Variants in ZFP91 observed in about 807,000 individuals in gnomAD.
ZFP91 encodes the protein ZFP91 zinc finger protein, atypical E3 ubiquitin ligase.
ZFP91 carries 7 observed loss-of-function variants against 63.5 expected under a neutral mutation model. The ratio of observed to expected loss-of-function variants is 0.11; its 90% CI spans 0.06 to 0.21. ZFP91 has a LOEUF of 0.21. Among genes scored for constraint, ZFP91 ranks in the 10% least tolerant of loss-of-function variants. The pLI is 1.00. For synonymous variants in ZFP91, 330 were observed against 272.1 expected (o/e 1.21, Z -2.10); for missense variants, 628 against 736.6 (o/e 0.85, Z 1.71).
chr11:58,610,180 A>G, intron 3 of ZFP91, 118 bp from the exon 4 acceptor site: 8 of 1,415,576 alleles, frequency 5.7e-6, no homozygotes, highest in Non-Finnish European at 7.8e-6. Flanking sequence ...CAGTTTGCAG[A>G]TATTCTGCTT....
rs200285888 is a variant in ZFP91, at chr11:58,609,081, C to CT, written c.371-740dup. On this transcript the variant is annotated intron_variant, in intron 2 of 10. Transcript: ENST00000316059. ...TTAAAATGGGCTCAATTCTAATGTA[C>CT]TTTTTTTTTATATAGGTCTAAGTAT... is the stretch of plus-strand genomic sequence containing the variant. 3.9e-3 allele frequency among the ~76,000 whole-genome samples: 590 copies of CT among 151,502 alleles called. 3 individuals are homozygous for CT. The highest frequency in any genetic ancestry group is 0.013 in the African/African-American group (523 of 41,362).
At chr11:58,614,208 C>A in intron 8 of ZFP91, 21 bp from the exon 9 acceptor site, 1 of 1,510,174 alleles carries the variant, frequency 6.6e-7, no homozygotes, top group Non-Finnish European at 8.9e-7. Flanking sequence ...TTTTTCGCCC[C>A]TTTCACTTTC....
chr11:58,612,953 C>A, intron 8 of ZFP91, 113 bp downstream of exon 8: 1 of 868,180 alleles, frequency 1.2e-6, no homozygotes, highest in Non-Finnish European at 1.8e-6. Context: ...CATGTAATGT[C>A]AAGAAAAGTC....
At chr11:58,610,422 A>G in intron 4 of ZFP91, 88 bp downstream of exon 4, 1 of 1,299,574 alleles carries the variant, frequency 7.7e-7, no homozygotes, top group Non-Finnish European at 1.0e-6. Context: ...TCCATTTGAA[A>G]TTATTTTGAG....
chr11:58,603,737 T>G (rs953767512), intron 2 of ZFP91, among the ~76,000 whole-genome samples: 2 of 152,226 alleles, frequency 1.3e-5, no homozygotes, highest in African/African-American at 4.8e-5. Context: ...AAAAGCTTAT[T>G]CTTAGGGCTT....
chr11:58,614,189 A>AT, intron 8 of ZFP91, 40 bp from the exon 9 acceptor site: 2 of 1,361,664 alleles, frequency 1.5e-6, no homozygotes, highest in Non-Finnish European at 2.0e-6. Flanking sequence ...AGGAAGCCTT[A>AT]ATTTTTTTTT....
Position 58,611,659 on chromosome 11 carries a change from A to G in ZFP91, c.778A>G (p.Lys260Glu). ...GAAGGTAAAAGAAGAGAAGGAGAAG[A>G]AGGAAATTAAAGTGGAAGTAGAGGT... ...SGKVKEEKEK[K>E]EIKVEVEVEV... The change falls in exon 6 of 11, where the codon AAG (lysine) becomes GAG (glutamate). Residue 260 changes from lysine to glutamate, a missense_variant. Coordinates refer to ENST00000316059, the MANE Select transcript of ZFP91 (RefSeq NM_053023.5). 6.2e-7 allele frequency: 1 copy of G among 1,612,924 alleles called. No individual in the cohort carries two copies. The highest frequency in any genetic ancestry group is 8.5e-7 in the Non-Finnish European group (1 of 1,179,350).
At chr11:58,589,866 G>A (rs1188521717) in intron 2 of ZFP91, among the ~76,000 whole-genome samples, 4 of 152,104 alleles carry the variant, frequency 2.6e-5, no homozygotes, top group Admixed American at 2.6e-4. Context: ...TATGTGAATT[G>A]TGATGTAGGC....
intron 9 of ZFP91, among the ~76,000 whole-genome samples, chr11:58,614,982 T>G (rs942535828): frequency 2.6e-5 from 4 of 152,184 alleles, no homozygotes; most frequent in African/African-American, 9.7e-5. Flanking sequence ...AATTACACAT[T>G]ACCTTCTCAA....
intron 2 of ZFP91, among the ~76,000 whole-genome samples, chr11:58,594,649 C>T (rs949354770): frequency 8.5e-5 from 13 of 152,088 alleles, no homozygotes; most frequent in Admixed American, 5.9e-4. Flanking sequence ...CTGATGTCTG[C>T]TTTGAAATCA....
rs1261300303 is a variant in ZFP91 at position 58,620,049 on chromosome 11, C to G, written c.*2343C>G. 1.3e-5 allele frequency: 2 copies of G among 152,158 alleles called. No individual in the cohort carries two copies. The highest frequency in any genetic ancestry group is 2.4e-5 in the African/African-American group (1 of 41,432). 9.4% of individuals were successfully genotyped at this position (152,158 alleles called of 1,614,324 possible). A position where few individuals can be genotyped will look rare whatever the true frequency, so the allele number is the denominator to read the frequency against. On this transcript the variant is annotated 3_prime_UTR_variant, in exon 11 of 11. Transcript: ENST00000316059. ...TCTGAGATGGGAGAAAATGTATTCT[C>G]CTTTCCTATACCGCTCTCCCAACAA...
intron 9 of ZFP91, 84 bp downstream of exon 9, chr11:58,614,427 T>A: frequency 9.7e-7 from 1 of 1,027,370 alleles, no homozygotes; most frequent in Non-Finnish European, 1.4e-6. Context: ...TTTTCTAACA[T>A]AAGTCTTAAA....
At position 58,617,902 on chromosome 11, in the gene ZFP91, T is replaced by A; in HGVS notation, c.*196T>A. The A allele has an allele frequency of 1.6e-6, 1 of 631,682 alleles. No homozygotes were observed. The highest frequency in any genetic ancestry group is 2.3e-6 in the Non-Finnish European group (1 of 439,424). The allele number at this position is 631,682 out of a possible 1,614,324, so 39.1% of individuals were successfully genotyped here. A position where few individuals can be genotyped will look rare whatever the true frequency, so the allele number is the denominator to read the frequency against. Reference sequence around the variant, plus strand: ...TGTTCTCCCTCTGTTGCTCCCCTTATAAAATTGATGTTGTCTTTACCAGAA... The same window carrying A: ...TGTTCTCCCTCTGTTGCTCCCCTTAAAAAATTGATGTTGTCTTTACCAGAA... On this transcript the variant is annotated 3_prime_UTR_variant, in exon 11 of 11. Coordinates refer to ENST00000316059, the MANE Select transcript of ZFP91 (RefSeq NM_053023.5). The surrounding 1 kb of genome is among the most constrained non-coding windows in gnomAD (Gnocchi z 4.2).
chr11:58,582,008 T>TTA (rs1166099249), intron 1 of ZFP91, among the ~76,000 whole-genome samples: 1 of 152,228 alleles, frequency 6.6e-6, no homozygotes, highest in Non-Finnish European at 1.5e-5. Flanking sequence ...ATTTTCGTCA[T>TTA]AATAGAGTTT....
rs767086020 is a variant in ZFP91, at chr11:58,579,584, C to T, written c.303C>T (p.Ser101=). 1.3e-5 allele frequency: 21 copies of T among 1,582,356 alleles called. No homozygotes were observed. The highest frequency in any genetic ancestry group is 1.7e-5 in the Non-Finnish European group (20 of 1,167,632). The part of the protein sequence containing the change: ...VPGQQPQAAK[S]PSPVQGKKSP... ...GGCAGCAGCCCCAGGCCGCGAAGTC[C>T]CCGTCTCCAGTTCAGGGCAAGAAGA... is the stretch of plus-strand genomic sequence containing the variant. The change falls in exon 1 of 11, where the codon TCC becomes TCT. Residue 101 remains serine (S), a synonymous_variant. Transcript: ENST00000316059.
chr11:58,580,836 C>T (rs1423013969), intron 1 of ZFP91, among the ~76,000 whole-genome samples: 1 of 152,130 alleles, frequency 6.6e-6, no homozygotes. Context: ...GCAGTTCTGT[C>T]GACAGCAAAA....
At chr11:58,600,304 ATATTT>A (rs1249626156) in intron 2 of ZFP91, among the ~76,000 whole-genome samples, 2 of 152,056 alleles carry the variant, frequency 1.3e-5, no homozygotes, top group Non-Finnish European at 2.9e-5. Context: ...CAATTTTTCA[ATATTT>A]TATTCCTTTT....
At chr11:58,614,093 T>C (rs771063633) in intron 8 of ZFP91, 136 bp from the exon 9 acceptor site, 88 of 498,052 alleles carry the variant, frequency 1.8e-4, no homozygotes, top group Non-Finnish European at 2.8e-4. Context: ...TTAGCCACTT[T>C]ATTATACTCC....
At chr11:58,614,150 C>A in intron 8 of ZFP91, 79 bp from the exon 9 acceptor site, 1 of 884,582 alleles carries the variant, frequency 1.1e-6, no homozygotes, top group Non-Finnish European at 1.7e-6. Flanking sequence ...TCCTTCAGTA[C>A]TTTTGACTTA....
Sources: gnomAD v4.1 joint callset for allele counts (sites outside exome capture counted in the v4.1 genomes callset) on GRCh38, gnomAD v4.1.1 for gene constraint, Gnocchi (gnomAD v3.1) non-coding constraint, MANE v1.5 for transcripts, NCBI Gene and HGNC (gene_info 2026-07-23, HGNC 2026-07-21) for gene names.